OTUD4: variants seen among roughly 807,000 people sequenced by gnomAD.
OTUD4 encodes the protein OTU deubiquitinase 4, also known as OTU domain-containing protein 4.
A neutral mutation model predicts 130.4 loss-of-function variants in OTUD4; 24 were observed. That is an observed-to-expected ratio of 0.18 (90% CI 0.13 to 0.26). OTUD4 has a LOEUF of 0.26. Ranked by LOEUF, OTUD4 falls within the 10% of genes least tolerant of loss-of-function variation. The pLI is 1.00. For synonymous variants in OTUD4, 420 were observed against 472.5 expected (o/e 0.89, Z 1.44); for missense variants, 1,031 against 1,329.4 (o/e 0.78, Z 3.49).
chr4:145,175,812 G>A (rs1344062193), intron 1 of OTUD4, among the ~76,000 whole-genome samples: 1 of 151,066 alleles, frequency 6.6e-6, no homozygotes, highest in African/African-American at 2.4e-5. Context: ...CAATGTGCTG[G>A]GATTACAACA....
At chr4:145,149,803 G>T (rs982152359) in intron 13 of OTUD4, among the ~76,000 whole-genome samples, 1 of 152,178 alleles carries the variant, frequency 6.6e-6, no homozygotes, top group African/African-American at 2.4e-5. Flanking sequence ...GATGGGAAAG[G>T]TACTTGTCAT....
At chr4:145,174,773 T>G in intron 1 of OTUD4, 29 bp from the exon 2 acceptor site, 1 of 1,309,830 alleles carries the variant, frequency 7.6e-7, no homozygotes, top group Non-Finnish European at 1.1e-6. Flanking sequence ...AAACACACTA[T>G]TAAGCATTTA....
intron 7 of OTUD4, among the ~76,000 whole-genome samples, chr4:145,157,866 C>A (rs556828233): frequency 1.3e-5 from 2 of 152,224 alleles, no homozygotes; most frequent in African/African-American, 4.8e-5. Context: ...CTATACTTCA[C>A]CTGCCAACTG....
intron 11 of OTUD4, 46 bp downstream of exon 11, chr4:145,152,495 T>C: frequency 9.8e-7 from 1 of 1,023,330 alleles, no homozygotes; most frequent in Non-Finnish European, 1.5e-6. Context: ...ATGATTAGGC[T>C]AAATGGAGGA....
At chr4:145,164,034 C>CCATA in intron 5 of OTUD4, 120 bp downstream of exon 5, 1 of 582,758 alleles carries the variant, frequency 1.7e-6, no homozygotes, top group Admixed American at 3.4e-5. Context: ...AATCAGAATA[C>CCATA]CATAACCTTA....
chr4:145,159,152 C>T (rs939568013), intron 7 of OTUD4: 17 of 1,042,498 alleles, frequency 1.6e-5, no homozygotes, highest in Admixed American at 1.2e-4. Context: ...GAAATCCAAA[C>T]GGCCATTTTA....
At chr4:145,142,734 A>C (rs535134183) in intron 17 of OTUD4, among the ~76,000 whole-genome samples, 1 of 152,218 alleles carries the variant, frequency 6.6e-6, no homozygotes, top group South Asian at 2.1e-4. Flanking sequence ...AAGTGAGCAA[A>C]ATCATTGAAA....
chr4:145,138,188 A>C lies in OTUD4; in HGVS notation c.2587T>G (p.Tyr863Asp). The C allele has an allele frequency of 6.2e-7, 1 of 1,613,962 alleles. No individual in the cohort carries two copies. The highest frequency in any genetic ancestry group is 8.5e-7 in the Non-Finnish European group (1 of 1,179,868). ...ATGAATCCCTGAAAAGGGTACCCATACCAAACATGAGGAAAGAAAGGAGGT... is the reference window on the plus strand; with the variant it reads ...ATGAATCCCTGAAAAGGGTACCCATCCCAAACATGAGGAAAGAAAGGAGGT... ...IAPPFFPHVW[Y>D]GYPFQGFIEN... The change falls in exon 21 of 21, where the codon TAT (tyrosine) becomes GAT (aspartate). Residue 863 changes from tyrosine (Y) to aspartate (D), a missense_variant. This residue lies in a region of OTUD4 where 900 missense variants were observed against 1,095.9 expected (regional missense o/e 0.82). Coordinates refer to ENST00000447906, the MANE Select transcript of OTUD4 (RefSeq NM_001366057.1).
At chr4:145,154,851 G>A (rs1424927697) in intron 10 of OTUD4, among the ~76,000 whole-genome samples, 4 of 151,740 alleles carry the variant, frequency 2.6e-5, no homozygotes, top group Non-Finnish European at 5.9e-5. Flanking sequence ...GGTGGGGGGC[G>A]GGGGGCAGAG....
Position 145,150,712 on chromosome 4 carries a change from C to G in OTUD4, c.1073-13G>C, listed in dbSNP as rs758758021. ...CTGTAATCCACATCTGTTGTAAGAA[C>G]CCAAAAGTACATGATAATATTCATA... On this transcript the variant is annotated splice_polypyrimidine_tract_variant and intron_variant, in intron 12 of 20. Transcript: ENST00000447906. 1.9e-6 allele frequency: 3 copies of G among 1,606,266 alleles called. No homozygotes were observed. The highest frequency in any genetic ancestry group is 1.3e-5 in the African/African-American group (1 of 74,834).
chr4:145,147,897 G>A (rs750000746), intron 13 of OTUD4, among the ~76,000 whole-genome samples: 19 of 152,114 alleles, frequency 1.2e-4, no homozygotes, highest in Non-Finnish European at 2.2e-4. Context: ...TCTAAAATCT[G>A]ACTAGATTTT....
chr4:145,141,238 A>G (rs2126740428), intron 19 of OTUD4, 141 bp downstream of exon 19: 1 of 448,684 alleles, frequency 2.2e-6, no homozygotes, highest in African/African-American at 2.0e-5. Flanking sequence ...ATGACTGACT[A>G]ATAGCTAAAA....
chr4:145,163,809 C>T (rs889978779), intron 5 of OTUD4, among the ~76,000 whole-genome samples: 1 of 150,500 alleles, frequency 6.6e-6, no homozygotes, highest in Non-Finnish European at 1.5e-5. Context: ...CAGGTTCAAG[C>T]GATTCTCCTG....
At chr4:145,142,131 A>G in intron 18 of OTUD4, 65 bp downstream of exon 18, 1 of 1,436,262 alleles carries the variant, frequency 7.0e-7, no homozygotes, top group South Asian at 1.2e-5. Flanking sequence ...CTTCCACTCA[A>G]GAATTTGAAG....
Position 145,137,985 on chromosome 4 carries a change from A to C in OTUD4, c.2790T>G (p.Ser930Arg). Residue 930 changes from serine (S) to arginine (R), a missense_variant, in exon 21 of 21, where the codon AGT becomes AGG. Coordinates refer to ENST00000447906, the MANE Select transcript of OTUD4 (RefSeq NM_001366057.1). ...VHSLPEASVS[S>R]KPDEGRTEQS... Reference sequence around the variant, plus strand: ...GCTCTGTCCGGCCTTCGTCCGGCTTACTGCTCACACTTGCTTCAGGGAGAG... The same window carrying C: ...GCTCTGTCCGGCCTTCGTCCGGCTTCCTGCTCACACTTGCTTCAGGGAGAG... 3 of 1,614,176 alleles carry C rather than the reference A, an allele frequency of 1.9e-6. No homozygotes were observed. Among genetic ancestry groups the C allele is most frequent in the Non-Finnish European group, 2.5e-6 (3 of 1,180,040 alleles).
intron 7 of OTUD4, chr4:145,159,025 T>C (rs181325597): frequency 4.8e-4 from 138 of 290,332 alleles, no homozygotes; most frequent in African/African-American, 2.8e-3. Context: ...ACATATTTAC[T>C]CACAACCTAC....
At chr4:145,145,359 T>C (rs967788614) in intron 14 of OTUD4, among the ~76,000 whole-genome samples, 4 of 152,160 alleles carry the variant, frequency 2.6e-5, no homozygotes, top group African/African-American at 9.7e-5. Context: ...CTTCCAATAA[T>C]TCCTAAACTC....
intron 15 of OTUD4, 74 bp from the exon 16 acceptor site, chr4:145,144,075 A>C: frequency 1.6e-6 from 2 of 1,258,780 alleles, no homozygotes; most frequent in Non-Finnish European, 2.3e-6. Flanking sequence ...CAAAATACGA[A>C]GATAGAAGAA....
rs1001293388 is a variant in OTUD4, at chr4:145,164,296, A to G, written c.342-70T>C. 1.6e-5 allele frequency: 12 copies of G among 747,202 alleles called. No homozygotes were observed. The African/African-American group carries it at 2.0e-4, about 12-fold the overall frequency. The allele number at this position is 747,202 out of a possible 1,614,324, so 46.3% of individuals were successfully genotyped here. On this transcript the variant is annotated intron_variant, in intron 4 of 20. Coordinates refer to ENST00000447906, the MANE Select transcript of OTUD4 (RefSeq NM_001366057.1). ...TGAATTTGAATTTAATCATTCATTC[A>G]TTCATCAAGGGCCTAATACGTGCCA...
Sources: allele counts gnomAD v4.1 joint callset (sites outside exome capture counted in the v4.1 genomes callset), GRCh38; gene constraint gnomAD v4.1.1; regional missense constraint gnomAD v4.1.1; transcripts MANE v1.5; gene names NCBI Gene and HGNC (gene_info 2026-07-23, HGNC 2026-07-21).